The following BTBD9 variants were observed in gnomAD, a reference collection of about 807,000 sequenced individuals.
BTBD9 encodes BTB/POZ domain-containing protein 9.
In BTBD9, 49 loss-of-function variants were observed where a neutral mutation model predicts 64.3. That is an observed-to-expected ratio of 0.76 (90% CI 0.61 to 0.97). BTBD9 has a LOEUF of 0.97. BTBD9 is among the 50% of genes least tolerant of loss of function. The pLI is 0.00. For missense variants in BTBD9, 598 were observed against 762.1 expected, an observed-to-expected ratio of 0.78 and a Z score of 2.53; for synonymous variants, 260 against 274.7, an observed-to-expected ratio of 0.95 and a Z score of 0.53.
At chr6:38,252,168 T>A (rs1441531557) in intron 9 of BTBD9, among the ~76,000 whole-genome samples, 1 of 152,126 alleles carries the variant, frequency 6.6e-6, no homozygotes, top group Non-Finnish European at 1.5e-5. Flanking sequence ...TCCCAGGGAT[T>A]TTTCAGAGGA....
chr6:38,371,760 C>A (rs192298996), intron 6 of BTBD9, among the ~76,000 whole-genome samples: 2 of 152,272 alleles, frequency 1.3e-5, no homozygotes, highest in East Asian at 3.9e-4. Flanking sequence ...AAGGCATGGA[C>A]CCATAGTGAG....
intron 6 of BTBD9, among the ~76,000 whole-genome samples, chr6:38,491,959 A>G (rs776348259): frequency 2.0e-4 from 30 of 152,158 alleles, no homozygotes; most frequent in Non-Finnish European, 3.4e-4. Flanking sequence ...TTTCCAAAAA[A>G]CACAGAAGGG....
At chr6:38,304,883 T>C (rs760740509) in intron 7 of BTBD9, among the ~76,000 whole-genome samples, 20 of 152,188 alleles carry the variant, frequency 1.3e-4, no homozygotes, top group Non-Finnish European at 2.1e-4. Context: ...AGGCAATCAT[T>C]CTAGCACTGT....
intron 6 of BTBD9, among the ~76,000 whole-genome samples, chr6:38,426,991 C>T (rs1768190377): frequency 6.6e-6 from 1 of 151,744 alleles, no homozygotes; most frequent in East Asian, 1.9e-4. Flanking sequence ...CCCCATCTCC[C>T]CAGATTCCCA....
intron 9 of BTBD9, among the ~76,000 whole-genome samples, chr6:38,246,514 T>C (rs1764210065): frequency 6.6e-6 from 1 of 152,122 alleles, no homozygotes. Flanking sequence ...ATTTTTCATT[T>C]TTTGAAACCA....
intron 8 of BTBD9, among the ~76,000 whole-genome samples, chr6:38,278,023 A>G (rs1277715401): frequency 6.6e-6 from 1 of 152,352 alleles, no homozygotes. Context: ...TCTAAGTGAA[A>G]GTTGGCTGGG....
chr6:38,351,788 C>T (rs1244694113), intron 6 of BTBD9, among the ~76,000 whole-genome samples: 1 of 151,866 alleles, frequency 6.6e-6, no homozygotes, highest in African/African-American at 2.4e-5. Context: ...CATGAGCCAC[C>T]GCCCCAGCCG....
In BTBD9 at chr6:38,536,594, C is replaced by T. The variant is rs147060250; in HGVS notation, c.1154+41006G>A. Among the ~76,000 whole-genome samples, 233 of 152,006 alleles carry T rather than the reference C, an allele frequency of 1.5e-3. 1 individual carries two copies. Among genetic ancestry groups the T allele is most frequent in the African/African-American group, 2.6e-3 (106 of 41,448 alleles). On this transcript the variant is annotated intron_variant, in intron 6 of 10. Coordinates refer to ENST00000481247, the MANE Select transcript of BTBD9 (RefSeq NM_001099272.2). The stretch of plus-strand genomic sequence containing the variant: ...AGCAACCTAAGTGTCCATCAACTGA[C>T]GAATGGATAAAGAAAGTGAGGTACA...
chr6:38,466,695 A>G lies in BTBD9; in HGVS notation c.1154+110905T>C, dbSNP rs190068316. Among the ~76,000 whole-genome samples, 564 of 152,096 alleles carry G rather than the reference A, an allele frequency of 3.7e-3. 4 individuals are homozygous for G. The highest frequency in any genetic ancestry group is 0.01 in the Middle Eastern group (3 of 294). Reference sequence around the variant, plus strand: ...CAGGTTCAAGTTATTTTCGTGTCTCAGCCTCCTGAGTAGCTGGGGTTACAC... The same window carrying G: ...CAGGTTCAAGTTATTTTCGTGTCTCGGCCTCCTGAGTAGCTGGGGTTACAC... On this transcript the variant is annotated intron_variant, in intron 6 of 10. Transcript: ENST00000481247.
intron 1 of BTBD9, among the ~76,000 whole-genome samples, chr6:38,622,017 C>T (rs1777998297): frequency 6.6e-6 from 1 of 152,168 alleles, no homozygotes; most frequent in Non-Finnish European, 1.5e-5. Flanking sequence ...GGGGAAGGTA[C>T]TCATACCCGA....
intron 6 of BTBD9, chr6:38,402,844 G>T: frequency 1.4e-6 from 1 of 701,086 alleles, no homozygotes; most frequent in South Asian, 1.5e-5. Flanking sequence ...AAGGAGGGAG[G>T]ATTGCTTGAG....
chr6:38,618,443 A>G (rs768860682), intron 1 of BTBD9, among the ~76,000 whole-genome samples: 2 of 152,212 alleles, frequency 1.3e-5, no homozygotes, highest in Non-Finnish European at 2.9e-5. Context: ...TTTACATTCC[A>G]CAGGAGGACC....
intron 2 of BTBD9, 145 bp downstream of exon 2, chr6:38,597,765 T>C: frequency 1.4e-6 from 1 of 711,568 alleles, no homozygotes; most frequent in East Asian, 2.8e-5. Context: ...TAACAAAGTC[T>C]ACAAGGATGA....
At chr6:38,469,862 C>G (rs1201752157) in intron 6 of BTBD9, among the ~76,000 whole-genome samples, 2 of 152,180 alleles carry the variant, frequency 1.3e-5, no homozygotes, top group African/African-American at 2.4e-5. Context: ...GCCACATACT[C>G]TTTCAGACTT....
In BTBD9 at chr6:38,170,249, C is replaced by T. The variant is rs548724123; in HGVS notation, c.*4736G>A. 1 of 152,562 alleles carries T rather than the reference C, an allele frequency of 6.6e-6. No individual in the cohort carries two copies. Among genetic ancestry groups the T allele is most frequent in the East Asian group, 1.9e-4 (1 of 5,186 alleles). 9.5% of individuals were successfully genotyped at this position (152,562 alleles called of 1,614,324 possible). A position where few individuals can be genotyped will look rare whatever the true frequency, so the allele number is the denominator to read the frequency against. On this transcript the variant is annotated 3_prime_UTR_variant, in exon 11 of 11. Transcript: ENST00000481247. ...TGGGGCGGCTCTTCCATGCACCTGT[C>T]CCCTGCCTCTGCATGAGCCCAGCAG...
intron 8 of BTBD9, among the ~76,000 whole-genome samples, chr6:38,275,668 T>C (rs537502749): frequency 8.6e-5 from 13 of 151,602 alleles, no homozygotes; most frequent in African/African-American, 1.5e-4. Flanking sequence ...AACAAACAAC[T>C]CCATCAAAAA....
intron 10 of BTBD9, among the ~76,000 whole-genome samples, chr6:38,183,179 A>G (rs1353114383): frequency 6.6e-6 from 1 of 152,078 alleles, no homozygotes; most frequent in Non-Finnish European, 1.5e-5. Flanking sequence ...ATGGGGTTTC[A>G]CCGTGTTAGC....
At chr6:38,516,317 A>G (rs1421466802) in intron 6 of BTBD9, among the ~76,000 whole-genome samples, 1 of 152,240 alleles carries the variant, frequency 6.6e-6, no homozygotes, top group African/African-American at 2.4e-5. Context: ...AACTAACCAG[A>G]TACATGTAGA....
intron 6 of BTBD9, among the ~76,000 whole-genome samples, chr6:38,393,928 C>T (rs150684145): frequency 1.8e-4 from 28 of 152,254 alleles, no homozygotes; most frequent in African/African-American, 6.7e-4. Flanking sequence ...TGTTTGGGCA[C>T]TATGTAATAT....
Sources: gnomAD v4.1 joint callset for allele counts (sites outside exome capture counted in the v4.1 genomes callset) on GRCh38, gnomAD v4.1.1 for gene constraint, MANE v1.5 for transcripts, NCBI Gene and HGNC (gene_info 2026-07-23, HGNC 2026-07-21) for gene names.